The following ABHD17C variants were observed in gnomAD, a reference collection of about 807,000 sequenced individuals.
The protein encoded by ABHD17C is abhydrolase domain containing 17C, depalmitoylase.
Under a neutral mutation model 27.9 loss-of-function variants are expected in ABHD17C, and 11 were observed. That is an observed-to-expected ratio of 0.39 (90% confidence interval 0.25 to 0.65). The LOEUF (loss-of-function observed/expected upper bound fraction) is 0.65, where lower values mean the gene tolerates loss of function less well. ABHD17C is among the 30% of genes least tolerant of loss of function. The pLI is 0.45. For synonymous variants in ABHD17C, 233 were observed against 209.1 expected (o/e 1.11, Z -0.98); for missense variants, 280 against 470.2 (o/e 0.60, Z 3.74).
At chr15:80,737,174 C>T (rs1895142742) in intron 1 of ABHD17C, among the ~76,000 whole-genome samples, 1 of 152,240 alleles carries the variant, frequency 6.6e-6, no homozygotes, top group African/African-American at 2.4e-5. Context: ...GCACACATCG[C>T]ACTGCCCGTG....
intron 1 of ABHD17C, among the ~76,000 whole-genome samples, chr15:80,735,036 T>C (rs1321801808): frequency 6.6e-6 from 1 of 152,222 alleles, no homozygotes; most frequent in Non-Finnish European, 1.5e-5. Context: ...TTAGCTCTGC[T>C]CCTGTGTCCT....
At chr15:80,707,260 T>C (rs751083083) in intron 1 of ABHD17C, among the ~76,000 whole-genome samples, 1 of 152,104 alleles carries the variant, frequency 6.6e-6, no homozygotes, top group Non-Finnish European at 1.5e-5. Context: ...GGAAATGATT[T>C]TTAGGGGAAT....
At chr15:80,753,330 G>A (rs1895388759) in intron 2 of ABHD17C, among the ~76,000 whole-genome samples, 2 of 152,154 alleles carry the variant, frequency 1.3e-5, no homozygotes. Flanking sequence ...TTGCAGTGTG[G>A]TATTCTTGTT....
In ABHD17C at chr15:80,733,500, C is replaced by T. The variant is rs117047976; in HGVS notation, c.591-16013C>T. 1.4e-4 allele frequency among the ~76,000 whole-genome samples: 22 copies of T among 152,260 alleles called. No homozygotes were observed. In the East Asian group the frequency reaches 2.9e-3, roughly 20 times the overall value. The stretch of plus-strand genomic sequence containing the variant: ...CCAGGAGGATTCAATACTCTTATTG[C>T]CCAGACCTGGACATGTATTCACACC... On this transcript the variant is annotated intron_variant, in intron 1 of 2. Transcript: ENST00000258884.
chr15:80,709,167 G>GTAAATA (rs926636756), intron 1 of ABHD17C, among the ~76,000 whole-genome samples: 19 of 151,508 alleles, frequency 1.3e-4, no homozygotes, highest in African/African-American at 4.1e-4. Flanking sequence ...TGTATATATT[G>GTAAATA]TAAATATAAA....
At chr15:80,711,118 G>T (rs1036379790) in intron 1 of ABHD17C, among the ~76,000 whole-genome samples, 1 of 152,210 alleles carries the variant, frequency 6.6e-6, no homozygotes, top group East Asian at 1.9e-4. Context: ...AGAATTGGCA[G>T]TTTTTCCTGG....
rs901580908 is a variant in ABHD17C at position 80,736,788 on chromosome 15, A to C, written c.591-12725A>C. On this transcript the variant is annotated intron_variant, in intron 1 of 2. Transcript: ENST00000258884. ...CAAAGGACAAAGTCAAGGCCCATTA[A>C]CTTAAACAGGATGCAGTGTGTCTCA... Among the ~76,000 whole-genome samples the C allele has an allele frequency of 4.6e-5, 7 of 152,354 alleles. No homozygotes were observed. The South Asian group carries it at 1.2e-3, about 27-fold the overall frequency.
At chr15:80,714,248 G>T (rs750358802) in intron 1 of ABHD17C, among the ~76,000 whole-genome samples, 2 of 152,190 alleles carry the variant, frequency 1.3e-5, no homozygotes, top group Admixed American at 6.5e-5. Context: ...GAGCCATCAC[G>T]CCCAGCCTGT....
At chr15:80,700,681 T>A (rs1894559237) in intron 1 of ABHD17C, among the ~76,000 whole-genome samples, 1 of 152,246 alleles carries the variant, frequency 6.6e-6, no homozygotes, top group African/African-American at 2.4e-5. Context: ...GAGGATCACT[T>A]GAGCCCAGGA....
chr15:80,722,990 C>A (rs1894919234), intron 1 of ABHD17C, among the ~76,000 whole-genome samples: 1 of 152,200 alleles, frequency 6.6e-6, no homozygotes, highest in Non-Finnish European at 1.5e-5. Context: ...CAATGCACAA[C>A]TTGTGGATAC....
chr15:80,705,366 T>TGG (rs1555421874), intron 1 of ABHD17C, among the ~76,000 whole-genome samples: 5 of 150,798 alleles, frequency 3.3e-5, no homozygotes, highest in Admixed American at 6.6e-5. Flanking sequence ...TGTGTGTGTG[T>TGG]GGTTAGGAGC....
At chr15:80,737,182 G>A (rs903086753) in intron 1 of ABHD17C, among the ~76,000 whole-genome samples, 9 of 152,226 alleles carry the variant, frequency 5.9e-5, no homozygotes, top group African/African-American at 1.7e-4. Flanking sequence ...CGCACTGCCC[G>A]TGACAAAGAG....
intron 1 of ABHD17C, among the ~76,000 whole-genome samples, chr15:80,716,339 C>T (rs773152386): frequency 1.3e-5 from 2 of 152,152 alleles, no homozygotes; most frequent in Non-Finnish European, 2.9e-5. Context: ...GACTAAGCTC[C>T]GACATGCTTC....
chr15:80,705,366 T>TGTGTGTGTGTGTGTGTGTGTGTG (rs1300324609), intron 1 of ABHD17C, among the ~76,000 whole-genome samples: 1 of 150,680 alleles, frequency 6.6e-6, no homozygotes, highest in Non-Finnish European at 1.5e-5. Flanking sequence ...TGTGTGTGTG[T>TGTGTGTGTGTGTGTGTGTGTGTG]GGTTAGGAGC....
At chr15:80,701,915 T>A (rs1037501006) in intron 1 of ABHD17C, among the ~76,000 whole-genome samples, 4 of 152,126 alleles carry the variant, frequency 2.6e-5, no homozygotes, top group Non-Finnish European at 5.9e-5. Flanking sequence ...AGTGCTCTTT[T>A]GTCATACCTG....
At chr15:80,726,516 T>C (rs1459166025) in intron 1 of ABHD17C, among the ~76,000 whole-genome samples, 2 of 138,732 alleles carry the variant, frequency 1.4e-5, no homozygotes, top group Admixed American at 1.4e-4. Flanking sequence ...TTTTTTTTTT[T>C]TTTTTTTTTT....
chr15:80,721,861 GC>G (rs894412099), intron 1 of ABHD17C, among the ~76,000 whole-genome samples: 1 of 151,932 alleles, frequency 6.6e-6, no homozygotes, highest in Non-Finnish European at 1.5e-5. Context: ...AGGGAAGGAG[GC>G]CCCCCAGTGC....
rs575608710 is a variant in ABHD17C at position 80,741,372 on chromosome 15, T to G, written c.591-8141T>G. On this transcript the variant is annotated intron_variant, in intron 1 of 2. Coordinates refer to ENST00000258884, the MANE Select transcript of ABHD17C (RefSeq NM_021214.2). ...GCACAATTTTTTTTTCTTCGTAATT[T>G]CACAATTAGAAGATTTGTTCTTACT... Among the ~76,000 whole-genome samples, 4 of 152,322 alleles carry G rather than the reference T, an allele frequency of 2.6e-5. No homozygotes were observed. In the East Asian group the frequency reaches 7.7e-4, roughly 29 times the overall value.
intron 1 of ABHD17C, among the ~76,000 whole-genome samples, chr15:80,699,338 A>T (rs1398629116): frequency 6.6e-6 from 1 of 151,836 alleles, no homozygotes; most frequent in Admixed American, 6.6e-5. Context: ...GGTAAAGTTA[A>T]TTTTTCCTAA....
Sources: gnomAD v4.1 joint callset for allele counts (sites outside exome capture counted in the v4.1 genomes callset) on GRCh38, gnomAD v4.1.1 for gene constraint, MANE v1.5 for transcripts, NCBI Gene and HGNC (gene_info 2026-07-23, HGNC 2026-07-21) for gene names.